Variants in ANO4 observed in about 807,000 individuals in gnomAD.
The protein encoded by ANO4 is anoctamin-4.
Under a neutral mutation model 141.9 loss-of-function variants are expected in ANO4, and 69 were observed. That is an observed-to-expected ratio of 0.49 (90% CI 0.40 to 0.59). The LOEUF is 0.59. ANO4 is among the 20% of genes least tolerant of loss of function. The pLI is 0.00. For missense variants in ANO4, 894 were observed against 1,162.2 expected, an observed-to-expected ratio of 0.77 and a Z score of 3.36; for synonymous variants, 350 against 394.3, an observed-to-expected ratio of 0.89 and a Z score of 1.33.
At chr12:100,856,127 T>G (rs1444801477) in intron 1 of ANO4, among the ~76,000 whole-genome samples, 1 of 152,048 alleles carries the variant, frequency 6.6e-6, no homozygotes, top group Non-Finnish European at 1.5e-5. Context: ...AAATCGATGG[T>G]GTGGCTGGAA....
chr12:101,071,349 A>T (rs895935384), intron 14 of ANO4, among the ~76,000 whole-genome samples: 3 of 151,972 alleles, frequency 2.0e-5, no homozygotes, highest in Non-Finnish European at 2.9e-5. Context: ...AAAAAAAAAA[A>T]AAAGAGAATG....
intron 1 of ANO4, among the ~76,000 whole-genome samples, chr12:100,796,852 T>C (rs1172553385): frequency 1.3e-5 from 2 of 152,160 alleles, no homozygotes; most frequent in East Asian, 3.9e-4. Context: ...TTTCTCTTTT[T>C]CTAATTGAAA....
intron 26 of ANO4, among the ~76,000 whole-genome samples, chr12:101,126,075 A>G (rs576701452): frequency 1.3e-5 from 2 of 152,304 alleles, no homozygotes; most frequent in East Asian, 3.9e-4. Flanking sequence ...TTTTCTTTTA[A>G]TATTTTGTTA....
At chr12:101,099,533 T>TA in intron 21 of ANO4, 45 bp from the exon 22 acceptor site, 1 of 1,536,820 alleles carries the variant, frequency 6.5e-7, no homozygotes. Context: ...ACCTAAGTCA[T>TA]ATGATCAGTT....
intron 3 of ANO4, 89 bp from the exon 4 acceptor site, chr12:100,939,226 G>T: frequency 7.6e-7 from 1 of 1,309,556 alleles, no homozygotes; most frequent in Non-Finnish European, 1.0e-6. Flanking sequence ...GAGAAAATAT[G>T]AACCCAAAGG....
At chr12:100,861,832 T>G (rs1217112450) in intron 1 of ANO4, among the ~76,000 whole-genome samples, 1 of 152,242 alleles carries the variant, frequency 6.6e-6, no homozygotes, top group Non-Finnish European at 1.5e-5. Flanking sequence ...TTTTTTTCTA[T>G]TTTGAATTTT....
At chr12:100,797,132 A>G (rs10778076) in intron 1 of ANO4, among the ~76,000 whole-genome samples, 15,517 of 149,418 alleles carry the variant, frequency 0.1, 1,155 homozygotes, top group East Asian at 0.36. Flanking sequence ...ATGTGTGTGT[A>G]TATATATATA....
intron 26 of ANO4, among the ~76,000 whole-genome samples, chr12:101,122,282 G>A (rs150832676): frequency 1.3e-5 from 2 of 152,168 alleles, no homozygotes; most frequent in South Asian, 2.1e-4. Flanking sequence ...ACAGATTCTG[G>A]GTATTAGACC....
chr12:100,844,207 C>G (rs2037439716), intron 1 of ANO4, among the ~76,000 whole-genome samples: 1 of 151,728 alleles, frequency 6.6e-6, no homozygotes. Context: ...AGAGAACAGG[C>G]CAATGGAATG....
At chr12:100,739,926 C>G in exon 3 of ANO4, 1 of 702,578 alleles carries the variant, frequency 1.4e-6, no homozygotes, top group Middle Eastern at 2.3e-4. Context: ...GGCAGACCAA[C>G]CCTCCCATCA....
At chr12:100,918,631 T>G (rs1199215106) in intron 2 of ANO4, among the ~76,000 whole-genome samples, 3 of 152,214 alleles carry the variant, frequency 2.0e-5, no homozygotes, top group African/African-American at 7.2e-5. Flanking sequence ...TGCAATACAT[T>G]ACTCACGTGT....
intron 1 of ANO4, among the ~76,000 whole-genome samples, chr12:100,806,461 T>TGCAG (rs1463253273): frequency 6.6e-6 from 1 of 151,408 alleles, no homozygotes; most frequent in Non-Finnish European, 1.5e-5. Context: ...TCATGCCCTT[T>TGCAG]GCAGGCCCAC....
chr12:100,946,903 T>A (rs1379404414), intron 5 of ANO4, among the ~76,000 whole-genome samples: 1 of 152,146 alleles, frequency 6.6e-6, no homozygotes, highest in Non-Finnish European at 1.5e-5. Context: ...GATGGAGGAA[T>A]CAACTGTGTC....
chr12:100,948,888 C>T (rs954462138), intron 5 of ANO4, among the ~76,000 whole-genome samples: 1 of 152,140 alleles, frequency 6.6e-6, no homozygotes, highest in Non-Finnish European at 1.5e-5. Flanking sequence ...CTGTGATTAT[C>T]TTATATGGTG....
At chr12:101,052,199 CAG>C (rs1483060090) in intron 14 of ANO4, among the ~76,000 whole-genome samples, 4 of 152,126 alleles carry the variant, frequency 2.6e-5, no homozygotes. Flanking sequence ...GGAATCCTGA[CAG>C]AACTCTACTA....
chr12:100,737,949 A>C (rs980378589), intron 2 of ANO4, among the ~76,000 whole-genome samples: 1 of 152,100 alleles, frequency 6.6e-6, no homozygotes, highest in South Asian at 2.1e-4. Flanking sequence ...TGTCTTGCCC[A>C]AAGCAGGGGG....
chr12:100,923,356 A>G (rs908953087), intron 3 of ANO4, among the ~76,000 whole-genome samples: 3 of 138,038 alleles, frequency 2.2e-5, no homozygotes, highest in Non-Finnish European at 3.0e-5. Flanking sequence ...CTCATTGTTC[A>G]TTTCCCACCT....
intron 5 of ANO4, among the ~76,000 whole-genome samples, chr12:100,942,902 G>T (rs2042575520): frequency 6.6e-6 from 1 of 152,140 alleles, no homozygotes; most frequent in Non-Finnish European, 1.5e-5. Flanking sequence ...CTCTCTAGAG[G>T]CTCTTTTTAC....
chr12:100,748,616 A>G (rs2032220312), intron 3 of ANO4, among the ~76,000 whole-genome samples: 1 of 152,210 alleles, frequency 6.6e-6, no homozygotes, highest in Non-Finnish European at 1.5e-5. Context: ...GTTTTTATCC[A>G]TTCTGACAAT....
Sources: allele counts gnomAD v4.1 joint callset (sites outside exome capture counted in the v4.1 genomes callset), GRCh38; gene constraint gnomAD v4.1.1; transcripts MANE v1.5; gene names NCBI Gene and HGNC (gene_info 2026-07-23, HGNC 2026-07-21).